CDH13: variants seen among roughly 807,000 people sequenced by gnomAD.
CDH13 encodes cadherin 13.
CDH13 carries 24 observed loss-of-function variants against 63.8 expected under a neutral mutation model. The ratio of observed to expected loss-of-function variants is 0.38; its 90% CI spans 0.27 to 0.53. The LOEUF is 0.53. CDH13 is among the 20% of genes least tolerant of loss of function. CDH13 has a pLI of 0.85. For missense variants in CDH13, 1,049 were observed against 903.1 expected (o/e 1.16, Z -2.07); for synonymous variants, 503 against 355.3 (o/e 1.42, Z -4.67).
At chr16:83,644,988 C>T (rs370563278) in intron 8 of CDH13, among the ~76,000 whole-genome samples, 29 of 152,290 alleles carry the variant, frequency 1.9e-4, no homozygotes, top group East Asian at 1.2e-3. Context: ...AACCTACAAG[C>T]TCCCCACTCT....
intron 2 of CDH13, chr16:83,023,201 G>C (rs1051155071): frequency 6.6e-6 from 1 of 152,180 alleles, no homozygotes; most frequent in Non-Finnish European, 1.5e-5. Flanking sequence ...ATTAAGCCCA[G>C]GGGACATTTT....
At chr16:83,151,150 G>A (rs2036961998) in intron 4 of CDH13, among the ~76,000 whole-genome samples, 1 of 152,122 alleles carries the variant, frequency 6.6e-6, no homozygotes, top group Non-Finnish European at 1.5e-5. Flanking sequence ...CAGATGCTTA[G>A]AAAGATGAGC....
chr16:83,116,148 C>G (rs4077666), intron 3 of CDH13, among the ~76,000 whole-genome samples: 21,113 of 152,250 alleles, frequency 0.14, 1,872 homozygotes, highest in Admixed American at 0.2. Flanking sequence ...GCCAGTCTGG[C>G]AGACATAACA....
chr16:82,710,552 A>AATATATAT lies in CDH13; in HGVS notation c.45+83433_45+83440dup, dbSNP rs1555537840. Among the ~76,000 whole-genome samples, 422 of 63,708 alleles carry AATATATAT rather than the reference A, an allele frequency of 6.6e-3. 8 individuals are homozygous for AATATATAT. The highest frequency in any genetic ancestry group is 0.018 in the Middle Eastern group (1 of 56). The allele number at this position is 63,708 out of a possible 152,430, so 41.8% of individuals were successfully genotyped here. On this transcript the variant is annotated intron_variant, in intron 1 of 13. Coordinates refer to ENST00000567109, the MANE Select transcript of CDH13 (RefSeq NM_001257.5). ...TGTCTCAAAAAAAAAAAAAAAAAAAAATATATATATATATATATATATATA... is the reference window on the plus strand; with the variant it reads ...TGTCTCAAAAAAAAAAAAAAAAAAAAATATATATATATATATATATATATATATATATA...
chr16:83,039,555 G>C (rs897104883), intron 3 of CDH13, among the ~76,000 whole-genome samples: 1 of 151,998 alleles, frequency 6.6e-6, no homozygotes, highest in African/African-American at 2.4e-5. Flanking sequence ...TTTAATGTCC[G>C]CCTTGGATGA....
At chr16:83,566,022 G>A (rs1456758922) in intron 7 of CDH13, among the ~76,000 whole-genome samples, 1 of 152,154 alleles carries the variant, frequency 6.6e-6, no homozygotes, top group African/African-American at 2.4e-5. Context: ...GAGTTGTAAC[G>A]CAGGTGTGAG....
intron 1 of CDH13, among the ~76,000 whole-genome samples, chr16:82,726,240 C>A (rs1244446331): frequency 6.6e-6 from 1 of 152,042 alleles, no homozygotes; most frequent in African/African-American, 2.4e-5. Context: ...CAGGTGTTGG[C>A]AAACTTTTCC....
intron 3 of CDH13, among the ~76,000 whole-genome samples, chr16:83,048,564 G>A (rs1433943931): frequency 6.6e-6 from 1 of 152,080 alleles, no homozygotes; most frequent in Non-Finnish European, 1.5e-5. Context: ...ACAGTTTTCT[G>A]TAGCTGGCCT....
intron 4 of CDH13, among the ~76,000 whole-genome samples, chr16:83,194,177 C>A (rs1380119799): frequency 1.3e-5 from 2 of 152,194 alleles, no homozygotes; most frequent in African/African-American, 4.8e-5. Context: ...TAGCCTTGGG[C>A]TTTCCTTTCT....
At chr16:83,547,109 G>A (rs2075400121) in intron 7 of CDH13, among the ~76,000 whole-genome samples, 1 of 152,206 alleles carries the variant, frequency 6.6e-6, no homozygotes, top group Non-Finnish European at 1.5e-5. Flanking sequence ...CAGGAGAATG[G>A]TGGAGTATGA....
intron 6 of CDH13, among the ~76,000 whole-genome samples, chr16:83,413,264 C>G (rs1597963115): frequency 6.6e-6 from 1 of 152,128 alleles, no homozygotes; most frequent in Non-Finnish European, 1.5e-5. Context: ...ATCTACAGGT[C>G]TCCCATAAAA....
chr16:83,325,907 G>C (rs1489186401), intron 5 of CDH13, among the ~76,000 whole-genome samples: 2 of 152,124 alleles, frequency 1.3e-5, no homozygotes, highest in East Asian at 3.9e-4. Flanking sequence ...ACAGAACGAA[G>C]TCCACAATGT....
intron 10 of CDH13, among the ~76,000 whole-genome samples, chr16:83,743,476 G>C (rs180902327): frequency 1.3e-5 from 2 of 152,130 alleles, no homozygotes; most frequent in African/African-American, 2.4e-5. Context: ...CAAGAAACAA[G>C]CAAACATGCT....
intron 6 of CDH13, among the ~76,000 whole-genome samples, chr16:83,439,027 T>C (rs2072405910): frequency 6.6e-6 from 1 of 152,200 alleles, no homozygotes; most frequent in Non-Finnish European, 1.5e-5. Flanking sequence ...ACTATAATAA[T>C]GAGAAAATAT....
At chr16:83,794,329 G>C (rs767811412) in intron 13 of CDH13, among the ~76,000 whole-genome samples, 1 of 152,206 alleles carries the variant, frequency 6.6e-6, no homozygotes, top group Non-Finnish European at 1.5e-5. Flanking sequence ...AAGATGGGAG[G>C]ATCGCTTGAG....
At chr16:83,632,016 G>A (rs1374407136) in intron 8 of CDH13, among the ~76,000 whole-genome samples, 1 of 152,230 alleles carries the variant, frequency 6.6e-6, no homozygotes, top group Admixed American at 6.5e-5. Flanking sequence ...AGGTGCTGCT[G>A]ACAGAAATGT....
chr16:82,811,149 G>T (rs533053346), intron 1 of CDH13, among the ~76,000 whole-genome samples: 2 of 152,206 alleles, frequency 1.3e-5, no homozygotes, highest in Admixed American at 6.5e-5. Context: ...CCTGGAACTG[G>T]TTCTGTCTTA....
intron 5 of CDH13, among the ~76,000 whole-genome samples, chr16:83,232,945 G>A (rs1259367908): frequency 6.6e-6 from 1 of 152,128 alleles, no homozygotes; most frequent in African/African-American, 2.4e-5. Context: ...AGGCAAAAAT[G>A]TGTCACCCTG....
At chr16:83,628,769 A>G (rs1042923694) in intron 8 of CDH13, among the ~76,000 whole-genome samples, 3 of 152,156 alleles carry the variant, frequency 2.0e-5, no homozygotes, top group African/African-American at 7.2e-5. Context: ...TGGTTTGTTT[A>G]TACCTTTTTC....
Sources: gnomAD v4.1 joint callset for allele counts (sites outside exome capture counted in the v4.1 genomes callset) on GRCh38, gnomAD v4.1.1 for gene constraint, MANE v1.5 for transcripts, NCBI Gene and HGNC (gene_info 2026-07-23, HGNC 2026-07-21) for gene names.